LPAR1: variants seen among roughly 807,000 people sequenced by gnomAD.
The protein encoded by LPAR1 is lysophosphatidic acid receptor 1, also known as LPA receptor 1.
In LPAR1, 5 loss-of-function variants were observed where a neutral mutation model predicts 23.8. That is an observed-to-expected ratio of 0.21 (90% CI 0.11 to 0.44). The LOEUF is 0.44. Among genes scored for constraint, LPAR1 ranks in the 20% least tolerant of loss-of-function variants. The pLI, the probability that LPAR1 is intolerant of heterozygous loss-of-function variation, is 0.99. For synonymous variants in LPAR1, 160 were observed against 164.7 expected (o/e 0.97, Z 0.22); for missense variants, 311 against 482.8 (o/e 0.64, Z 3.33).
chr9:111,032,685 A>G (rs898989923), intron 2 of LPAR1, among the ~76,000 whole-genome samples: 1 of 152,228 alleles, frequency 6.6e-6, no homozygotes, highest in African/African-American at 2.4e-5. Context: ...AAGAAAATTT[A>G]GTAGAACAGA....
At chr9:110,952,901 A>G (rs564908659) in intron 4 of LPAR1, among the ~76,000 whole-genome samples, 1 of 152,078 alleles carries the variant, frequency 6.6e-6, no homozygotes, top group Non-Finnish European at 1.5e-5. Context: ...CCTTGGGATC[A>G]CCCTGCCCCA....
At chr9:110,934,821 A>AACAC (rs34585506) in intron 5 of LPAR1, among the ~76,000 whole-genome samples, 29 of 149,142 alleles carry the variant, frequency 1.9e-4, no homozygotes, top group South Asian at 4.3e-4. Context: ...CACACACACA[A>AACAC]ACACACACAC....
rs528424917 is a variant in LPAR1, at chr9:110,965,014, G to A, written c.45+7059C>T. Among the ~76,000 whole-genome samples, 3 of 152,002 alleles carry A rather than the reference G, an allele frequency of 2.0e-5. No individual in the cohort carries two copies. In the South Asian group the frequency reaches 6.3e-4, roughly 32 times the overall value. On this transcript the variant is annotated intron_variant, in intron 4 of 5. Transcript: ENST00000683809. ...GCCTCCTGAGTAGCTGAGATTACAG[G>A]TGCACGCCACCACACCCAGCTGATT...
intron 5 of LPAR1, among the ~76,000 whole-genome samples, chr9:110,897,885 T>C (rs2087014089): frequency 6.6e-6 from 1 of 152,158 alleles, no homozygotes; most frequent in Non-Finnish European, 1.5e-5. Flanking sequence ...TTTGTATTGT[T>C]GAATTTTCAT....
intron 2 of LPAR1, among the ~76,000 whole-genome samples, chr9:111,033,139 C>A (rs763050403): frequency 5.3e-5 from 8 of 152,024 alleles, no homozygotes; most frequent in Non-Finnish European, 8.8e-5. Flanking sequence ...TCTTTCATTT[C>A]TGGAAAAAAA....
At chr9:110,913,815 A>T (rs1474443841) in intron 5 of LPAR1, among the ~76,000 whole-genome samples, 1 of 152,166 alleles carries the variant, frequency 6.6e-6, no homozygotes, top group African/African-American at 2.4e-5. Context: ...GTTGAGTAGG[A>T]AGATCAAAGT....
rs76130944 is a variant in LPAR1 at position 110,952,077 on chromosome 9, A to C, written c.46-9909T>G. On this transcript the variant is annotated intron_variant, in intron 4 of 5. Transcript: ENST00000683809. ...CACAAAGAACAGAAATAGCAAGTAG[A>C]TAGTCACACTTTAAACAGACCACCT... Among the ~76,000 whole-genome samples, 92 of 152,342 alleles carry C rather than the reference A, an allele frequency of 6.0e-4. 1 individual carries two copies. Among genetic ancestry groups the C allele is most frequent in the Admixed American group, 1.8e-3 (27 of 15,306 alleles).
chr9:110,985,890 C>T (rs1178347812), intron 2 of LPAR1, among the ~76,000 whole-genome samples: 6 of 151,904 alleles, frequency 3.9e-5, no homozygotes, highest in Non-Finnish European at 7.4e-5. Flanking sequence ...TCAGGAAAGG[C>T]CTGGAACTAC....
chr9:111,008,437 GA>G (rs975332732), intron 2 of LPAR1, among the ~76,000 whole-genome samples: 9 of 151,938 alleles, frequency 5.9e-5, no homozygotes, highest in Non-Finnish European at 1.0e-4. Flanking sequence ...ACTCGGAAAA[GA>G]AAAAAATAAC....
At chr9:110,878,167 A>G (rs1185370118) in intron 5 of LPAR1, among the ~76,000 whole-genome samples, 4 of 152,128 alleles carry the variant, frequency 2.6e-5, no homozygotes, top group African/African-American at 7.2e-5. Flanking sequence ...CACAGTCCCA[A>G]CACTCTGTGT....
At chr9:110,904,795 C>T (rs2090642660) in intron 5 of LPAR1, among the ~76,000 whole-genome samples, 1 of 152,344 alleles carries the variant, frequency 6.6e-6, no homozygotes, top group East Asian at 1.9e-4. Flanking sequence ...TACATTATTA[C>T]AGGTTTTAAT....
chr9:111,010,024 T>C (rs1588844291), intron 2 of LPAR1, among the ~76,000 whole-genome samples: 1 of 71,828 alleles, frequency 1.4e-5, no homozygotes, highest in African/African-American at 5.4e-5. Flanking sequence ...TATATATATA[T>C]ATATATATAT....
intron 2 of LPAR1, among the ~76,000 whole-genome samples, chr9:111,022,889 A>T (rs1180242700): frequency 6.6e-6 from 1 of 151,852 alleles, no homozygotes; most frequent in African/African-American, 2.4e-5. Context: ...TCTCTACTAA[A>T]AATGCAAAAA....
At chr9:110,994,439 GT>G (rs778108878) in intron 2 of LPAR1, among the ~76,000 whole-genome samples, 17 of 152,164 alleles carry the variant, frequency 1.1e-4, no homozygotes, top group Non-Finnish European at 2.2e-4. Context: ...TTAGATGATA[GT>G]AAGATAATAG....
chr9:110,961,320 A>T (rs561973577), intron 4 of LPAR1, among the ~76,000 whole-genome samples: 132 of 148,684 alleles, frequency 8.9e-4, no homozygotes, highest in Non-Finnish European at 1.6e-3. Flanking sequence ...GTAACTTATT[A>T]AAAAAAAAAG....
intron 4 of LPAR1, among the ~76,000 whole-genome samples, chr9:110,954,734 C>T (rs1285807168): frequency 6.6e-6 from 1 of 152,012 alleles, no homozygotes; most frequent in Non-Finnish European, 1.5e-5. Context: ...AAAAAACTGC[C>T]AGTAAAGATA....
intron 5 of LPAR1, among the ~76,000 whole-genome samples, chr9:110,925,403 T>C (rs1057224353): frequency 7.2e-5 from 11 of 152,162 alleles, no homozygotes; most frequent in East Asian, 3.8e-4. Flanking sequence ...CTTTGGAAGA[T>C]TGTATGAACA....
intron 2 of LPAR1, among the ~76,000 whole-genome samples, chr9:111,003,123 A>C (rs902254143): frequency 6.6e-6 from 1 of 152,230 alleles, no homozygotes; most frequent in East Asian, 1.9e-4. Context: ...ACTGTAAATT[A>C]AACAGTTTTA....
rs1012490015 is a variant in LPAR1 at position 110,873,360 on chromosome 9, G to A, written c.*2061C>T. Reference sequence around the variant, plus strand: ...AATATGCACATGTGTAAAAGTCCACGTTCATTTCTTTCACTTCCAATATAA... The same window carrying A: ...AATATGCACATGTGTAAAAGTCCACATTCATTTCTTTCACTTCCAATATAA... On this transcript the variant is annotated 3_prime_UTR_variant, in exon 6 of 6. Transcript: ENST00000683809. 4.6e-5 allele frequency: 7 copies of A among 152,100 alleles called. No homozygotes were observed. The highest frequency in any genetic ancestry group is 1.9e-4 in the East Asian group (1 of 5,202). The allele number at this position is 152,100 out of a possible 1,614,324, so 9.4% of individuals were successfully genotyped here.
Sources: gnomAD v4.1 joint callset for allele counts (sites outside exome capture counted in the v4.1 genomes callset) on GRCh38, gnomAD v4.1.1 for gene constraint, MANE v1.5 for transcripts, NCBI Gene and HGNC (gene_info 2026-07-23, HGNC 2026-07-21) for gene names.